HHAT: variants seen among roughly 807,000 people sequenced by gnomAD.
HHAT encodes protein-cysteine N-palmitoyltransferase HHAT.
HHAT carries 47 observed loss-of-function variants against 70.8 expected under a neutral mutation model. The ratio of observed to expected loss-of-function variants is 0.66; its 90% CI spans 0.53 to 0.85. The LOEUF is 0.85. Among genes scored for constraint, HHAT ranks in the 40% least tolerant of loss-of-function variants. The pLI is 0.00. For synonymous variants in HHAT, 228 were observed against 247.6 expected (o/e 0.92, Z 0.74); for missense variants, 609 against 604.8 (o/e 1.01, Z -0.07).
At chr1:210,414,276 T>A (rs533136508) in intron 6 of HHAT, among the ~76,000 whole-genome samples, 1 of 152,246 alleles carries the variant, frequency 6.6e-6, no homozygotes, top group East Asian at 1.9e-4. Flanking sequence ...CCTAATCACT[T>A]CTCAAAGGCC....
At chr1:210,577,637 ATTTTTTTTTTT>A (rs1192626068) in intron 9 of HHAT, among the ~76,000 whole-genome samples, 32 of 60,254 alleles carry the variant, frequency 5.3e-4, no homozygotes, top group Middle Eastern at 0.012. Context: ...GGCCTGTAGG[ATTTTTTTTTTT>A]TTTTTTTTTT....
chr1:210,358,950 AT>A lies in HHAT; in HGVS notation c.92-3901del, dbSNP rs2087952219. Among the ~76,000 whole-genome samples the A allele has an allele frequency of 9.2e-5, 14 of 152,330 alleles. 2 individuals are homozygous for A. In the South Asian group the frequency reaches 2.9e-3, roughly 32 times the overall value. ...CAAATCCTCTCACTCAGTAGGTAGG[AT>A]GGAGCTTTGATGTATCCTTTTGTGG... On this transcript the variant is annotated intron_variant, in intron 2 of 11. Coordinates refer to ENST00000261458, the MANE Select transcript of HHAT (RefSeq NM_018194.6).
At position 210,454,291 on chromosome 1, in the gene HHAT, C is replaced by T. The variant is rs12075789; in HGVS notation, c.857-10214C>T. 2.9e-3 allele frequency among the ~76,000 whole-genome samples: 438 copies of T among 152,284 alleles called. 1 individual carries two copies. Among genetic ancestry groups the T allele is most frequent in the Non-Finnish European group, 4.3e-3 (293 of 68,034 alleles). ...CCCTTCGGCCGGGCACGGTGACTCA[C>T]GCCTGTAATCCCAGCACTTCGGGAG... On this transcript the variant is annotated intron_variant, in intron 7 of 11. Transcript: ENST00000261458.
chr1:210,506,952 C>T (rs2094866754), intron 8 of HHAT, among the ~76,000 whole-genome samples: 1 of 152,214 alleles, frequency 6.6e-6, no homozygotes, highest in Admixed American at 6.5e-5. Flanking sequence ...TTATTGTTGA[C>T]TTTGCCATCC....
chr1:210,600,000 G>T lies in HHAT; in HGVS notation c.1245+11901G>T, dbSNP rs186792324. On this transcript the variant is annotated intron_variant, in intron 10 of 11. Coordinates refer to ENST00000261458, the MANE Select transcript of HHAT (RefSeq NM_018194.6). ...CACAGGTACTTCCATCTCCTAGGAT[G>T]CTCTCTTTCCTTCCCCTCCACCCCT... Among the ~76,000 whole-genome samples the T allele has an allele frequency of 7.4e-4, 113 of 152,088 alleles. 2 individuals carry two copies. Among genetic ancestry groups the T allele is most frequent in the Middle Eastern group, 3.4e-3 (1 of 294 alleles).
chr1:210,576,254 AT>A (rs1657709537), intron 9 of HHAT, among the ~76,000 whole-genome samples: 1 of 152,206 alleles, frequency 6.6e-6, no homozygotes, highest in Non-Finnish European at 1.5e-5. Flanking sequence ...GCTACTCATT[AT>A]GATAATGGCT....
Position 210,329,095 on chromosome 1 carries a change from C to T in HHAT, c.-53C>T. On this transcript the variant is annotated 5_prime_UTR_variant, in exon 1 of 12. The change creates a premature stop within an existing upstream ORF in the 5' untranslated region. Coordinates refer to ENST00000261458, the MANE Select transcript of HHAT (RefSeq NM_018194.6). ...ACGTTGCCGTCGCCGCCGCCCGGGA[C>T]AGCCCGGAGGTTGGTAACTGGTGAC... is the stretch of plus-strand genomic sequence containing the variant. The T allele has an allele frequency of 1.4e-6, 2 of 1,408,160 alleles. No individual in the cohort carries two copies. The highest frequency in any genetic ancestry group is 1.9e-6 in the Non-Finnish European group (2 of 1,079,716). 87.2% of individuals were successfully genotyped at this position (1,408,160 alleles called of 1,614,324 possible).
intron 7 of HHAT, among the ~76,000 whole-genome samples, chr1:210,443,342 C>T (rs1437006456): frequency 6.6e-6 from 1 of 151,304 alleles, no homozygotes; most frequent in Non-Finnish European, 1.5e-5. Context: ...TTTTTTGGTT[C>T]CTTATGAACT....
At position 210,418,378 on chromosome 1, in the gene HHAT, G is replaced by A. The variant is rs777971688; in HGVS notation, c.856+53G>A. The A allele has an allele frequency of 7.4e-6, 11 of 1,493,744 alleles. No individual in the cohort carries two copies. In the Admixed American group the frequency reaches 1.1e-4, roughly 15 times the overall value. The allele number at this position is 1,493,744 out of a possible 1,614,324, so 92.5% of individuals were successfully genotyped here. A position where few individuals can be genotyped will look rare whatever the true frequency, so the allele number is the denominator to read the frequency against. On this transcript the variant is annotated intron_variant, in intron 7 of 11. Transcript: ENST00000261458. ...ATGAGCCCCAATAGTCCAACAGTTA[G>A]CATCAGAATGGAGCTGGAGTGGGGG... is the stretch of plus-strand genomic sequence containing the variant.
At chr1:210,333,024 G>A (rs536469548) in intron 1 of HHAT, among the ~76,000 whole-genome samples, 1 of 152,190 alleles carries the variant, frequency 6.6e-6, no homozygotes, top group Non-Finnish European at 1.5e-5. Context: ...ACCTGGAAGT[G>A]GTAAATAATG....
At chr1:210,583,533 G>A (rs1446565346) in intron 9 of HHAT, among the ~76,000 whole-genome samples, 1 of 152,188 alleles carries the variant, frequency 6.6e-6, no homozygotes, top group African/African-American at 2.4e-5. Context: ...GGAACTGACA[G>A]AAGATGGTAG....
At chr1:210,669,107 C>T (rs1679557024) in intron 11 of HHAT, among the ~76,000 whole-genome samples, 1 of 152,174 alleles carries the variant, frequency 6.6e-6, no homozygotes, top group Non-Finnish European at 1.5e-5. Context: ...TTTCACTGGA[C>T]CTGCTTCTTG....
At chr1:210,510,299 C>A (rs2094931585) in intron 8 of HHAT, among the ~76,000 whole-genome samples, 1 of 152,082 alleles carries the variant, frequency 6.6e-6, no homozygotes, top group African/African-American at 2.4e-5. Flanking sequence ...ACCACATCAC[C>A]CCCGGAGGCC....
chr1:210,345,138 T>A (rs937709575), intron 1 of HHAT, among the ~76,000 whole-genome samples: 1 of 152,176 alleles, frequency 6.6e-6, no homozygotes, highest in Non-Finnish European at 1.5e-5. Flanking sequence ...GCTGAACCTG[T>A]GTTTGGTAAC....
Position 210,619,973 on chromosome 1 carries a change from T to C in HHAT, c.1246-3553T>C, listed in dbSNP as rs56688326. 1.1e-3 allele frequency among the ~76,000 whole-genome samples: 166 copies of C among 152,374 alleles called. 1 individual carries two copies. Among genetic ancestry groups the C allele is most frequent in the African/African-American group, 3.8e-3 (160 of 41,596 alleles). On this transcript the variant is annotated intron_variant, in intron 10 of 11. Coordinates refer to ENST00000261458, the MANE Select transcript of HHAT (RefSeq NM_018194.6). ...TCTTCTGGTATTCCCCCATTTCGTT[T>C]ATAATTCTTCAACATGAATTCTCTT...
intron 9 of HHAT, among the ~76,000 whole-genome samples, chr1:210,566,419 C>A (rs1375531505): frequency 1.3e-5 from 2 of 152,054 alleles, no homozygotes; most frequent in East Asian, 1.9e-4. Flanking sequence ...AGCCTGGATA[C>A]CCATGACCCT....
chr1:210,502,988 G>A (rs1281313142), intron 8 of HHAT, among the ~76,000 whole-genome samples: 1 of 146,814 alleles, frequency 6.8e-6, no homozygotes, highest in African/African-American at 2.5e-5. Flanking sequence ...TTTTTTTTGA[G>A]ACGGTCTCCC....
rs145399965 is a variant in HHAT at position 210,429,849 on chromosome 1, T to C, written c.856+11524T>C. Among the ~76,000 whole-genome samples, 1,022 of 152,068 alleles carry C rather than the reference T, an allele frequency of 6.7e-3. 5 individuals are homozygous for C. Among genetic ancestry groups the C allele is most frequent in the Non-Finnish European group, 0.01 (702 of 68,032 alleles). On this transcript the variant is annotated intron_variant, in intron 7 of 11. Transcript: ENST00000261458. ...TAACCTGGAAAATAGTGAATAGTTT[T>C]AGCATTTTTTGGTGAAACTTGCTTG...
chr1:210,663,943 A>G (rs924198981), intron 11 of HHAT, among the ~76,000 whole-genome samples: 5 of 152,216 alleles, frequency 3.3e-5, no homozygotes, highest in Non-Finnish European at 7.3e-5. Flanking sequence ...GTGACAGCTG[A>G]CCATTTTTTG....
Sources: allele counts gnomAD v4.1 joint callset (sites outside exome capture counted in the v4.1 genomes callset), GRCh38; gene constraint gnomAD v4.1.1; transcripts MANE v1.5; gene names NCBI Gene and HGNC (gene_info 2026-07-23, HGNC 2026-07-21).